Variants in MAP2K1 observed in about 807,000 individuals in gnomAD.
MAP2K1 encodes dual specificity mitogen-activated protein kinase kinase 1.
A neutral mutation model predicts 46.3 loss-of-function variants in MAP2K1; 16 were observed. That is an observed-to-expected ratio of 0.35 (90% CI 0.23 to 0.52). MAP2K1 has a LOEUF of 0.52. Among genes scored for constraint, MAP2K1 ranks in the 20% least tolerant of loss-of-function variants. MAP2K1 has a pLI of 0.94. For missense variants in MAP2K1, 263 were observed against 497.1 expected (o/e 0.53, Z 4.48); for synonymous variants, 183 against 185.6 (o/e 0.99, Z 0.11).
intron 1 of MAP2K1, 87 bp downstream of exon 1, chr15:66,387,514 G>T: frequency 3.1e-6 from 4 of 1,294,024 alleles, no homozygotes; most frequent in Non-Finnish European, 4.3e-6. Context: ...CTCCGATCTG[G>T]TTTGTCACGT....
chr15:66,463,404 C>T (rs1240326060), intron 5 of MAP2K1, among the ~76,000 whole-genome samples: 5 of 152,176 alleles, frequency 3.3e-5, no homozygotes, highest in African/African-American at 1.2e-4. Flanking sequence ...GTTTATTTTG[C>T]CTAGGTTGAG....
intron 1 of MAP2K1, among the ~76,000 whole-genome samples, chr15:66,397,260 C>T (rs1170868813): frequency 6.6e-6 from 1 of 152,118 alleles, no homozygotes; most frequent in Non-Finnish European, 1.5e-5. Context: ...GCCTCGGCCT[C>T]CCAAAGTGCT....
chr15:66,469,600 T>TTCTG (rs1049327208), intron 5 of MAP2K1, among the ~76,000 whole-genome samples: 13 of 141,364 alleles, frequency 9.2e-5, no homozygotes, highest in African/African-American at 3.4e-4. Context: ...GAAAACAGAA[T>TTCTG]TCTGTCAACT....
chr15:66,437,980 C>G (rs927094007), intron 3 of MAP2K1, among the ~76,000 whole-genome samples: 2 of 148,916 alleles, frequency 1.3e-5, no homozygotes, highest in African/African-American at 4.9e-5. Context: ...TTGGCTTCCC[C>G]TCAGGGAGCT....
At position 66,435,018 on chromosome 15, in the gene MAP2K1, T is replaced by G. The variant is rs766655826; in HGVS notation, c.81-9T>G. On this transcript the variant is annotated splice_polypyrimidine_tract_variant and intron_variant, in intron 1 of 10. Coordinates refer to ENST00000307102, the MANE Select transcript of MAP2K1 (RefSeq NM_002755.4). The stretch of plus-strand genomic sequence containing the variant: ...ACAGTATTGACTTGTGCTCCCCACT[T>G]TGGAACAGGACCAACTTGGAGGCCT... 5.0e-6 allele frequency: 8 copies of G among 1,600,904 alleles called. No individual in the cohort carries two copies. The highest frequency in any genetic ancestry group is 5.1e-6 in the Non-Finnish European group (6 of 1,168,192).
In MAP2K1 at chr15:66,392,254, G is replaced by GTTTTTTTTTTTTT. The variant is rs374203054; in HGVS notation, c.80+4827_80+4828insTTTTTTTTTTTTT. On this transcript the variant is annotated intron_variant, in intron 1 of 10. Transcript: ENST00000307102. ...CACGAATATTTGTGTGTTTTTTTTGGGTTTTTTTTTTTTTTTTTTTTTTTT... is the reference window on the plus strand; with the variant it reads ...CACGAATATTTGTGTGTTTTTTTTGGTTTTTTTTTTTTTGTTTTTTTTTTTTTTTTTTTTTTTT... Among the ~76,000 whole-genome samples, 58 of 79,642 alleles carry GTTTTTTTTTTTTT rather than the reference G, an allele frequency of 7.3e-4. 4 individuals are homozygous for GTTTTTTTTTTTTT. The highest frequency in any genetic ancestry group is 1.8e-3 in the African/African-American group (39 of 21,448). 52.2% of individuals were successfully genotyped at this position (79,642 alleles called of 152,430 possible). A position where few individuals can be genotyped will look rare whatever the true frequency, so the allele number is the denominator to read the frequency against.
At chr15:66,424,421 T>A (rs1458258384) in intron 1 of MAP2K1, among the ~76,000 whole-genome samples, 1 of 152,200 alleles carries the variant, frequency 6.6e-6, no homozygotes, top group Non-Finnish European at 1.5e-5. Context: ...TTAGGTAAAT[T>A]GTCTTTATCC....
chr15:66,474,122 G>A (rs938643535), intron 5 of MAP2K1, among the ~76,000 whole-genome samples: 1 of 152,210 alleles, frequency 6.6e-6, no homozygotes, highest in African/African-American at 2.4e-5. Context: ...GCAGAGAGGG[G>A]TGTAGGGAGG....
At chr15:66,484,148 C>CA (rs1892981736) in intron 6 of MAP2K1, among the ~76,000 whole-genome samples, 1 of 151,438 alleles carries the variant, frequency 6.6e-6, no homozygotes, top group African/African-American at 2.4e-5. Flanking sequence ...CACCCCCCCC[C>CA]ACCTTTTTTT....
chr15:66,478,315 A>G (rs956764290), intron 5 of MAP2K1, among the ~76,000 whole-genome samples: 19 of 143,920 alleles, frequency 1.3e-4, no homozygotes, highest in Admixed American at 3.0e-4. Flanking sequence ...TATATATAGT[A>G]TATATATATG....
chr15:66,425,951 C>T (rs2093457230), intron 1 of MAP2K1, among the ~76,000 whole-genome samples: 1 of 152,174 alleles, frequency 6.6e-6, no homozygotes, highest in Non-Finnish European at 1.5e-5. Flanking sequence ...ACTTTTCTCT[C>T]AGAAGTTAGA....
At chr15:66,458,460 C>G (rs1370709821) in intron 5 of MAP2K1, among the ~76,000 whole-genome samples, 1 of 152,082 alleles carries the variant, frequency 6.6e-6, no homozygotes, top group Admixed American at 6.5e-5. Flanking sequence ...CTAATGAAAC[C>G]ATGTGTAACC....
intron 1 of MAP2K1, among the ~76,000 whole-genome samples, chr15:66,410,227 A>G (rs572438067): frequency 1.3e-5 from 2 of 152,340 alleles, no homozygotes; most frequent in African/African-American, 2.4e-5. Context: ...TGAAATGAAT[A>G]AAAGTGAATA....
At chr15:66,402,116 T>C (rs960651805) in intron 1 of MAP2K1, among the ~76,000 whole-genome samples, 11 of 152,248 alleles carry the variant, frequency 7.2e-5, no homozygotes, top group African/African-American at 2.7e-4. Flanking sequence ...GTGTGTAATG[T>C]ATTAAGAAAA....
chr15:66,400,187 G>T (rs1009277132), intron 1 of MAP2K1, among the ~76,000 whole-genome samples: 10 of 151,914 alleles, frequency 6.6e-5, no homozygotes, highest in Admixed American at 5.3e-4. Flanking sequence ...TTTTCTGCTG[G>T]CTTTTCTTTT....
chr15:66,425,331 A>G (rs544759767), intron 1 of MAP2K1, among the ~76,000 whole-genome samples: 60 of 152,324 alleles, frequency 3.9e-4, no homozygotes, highest in Non-Finnish European at 7.6e-4. Flanking sequence ...CTGTGCTTCA[A>G]TACAGTTATT....
At chr15:66,488,599 A>G (rs2140681722) in intron 8 of MAP2K1, 1 of 175,412 alleles carries the variant, frequency 5.7e-6, no homozygotes, top group African/African-American at 2.4e-5. Flanking sequence ...CCATGGGAAA[A>G]TCTGAAAACA....
At position 66,387,234 on chromosome 15, in the gene MAP2K1, C is replaced by T; in HGVS notation, c.-114C>T. On this transcript the variant is annotated 5_prime_UTR_variant, in exon 1 of 11. Coordinates refer to ENST00000307102, the MANE Select transcript of MAP2K1 (RefSeq NM_002755.4). ...GGGGCGCACCCGCTGAAGGCAGCCC[C>T]GGGGCCCGCGGCCCGGACTTGGTCC... The T allele has an allele frequency of 1.2e-6, 1 of 854,934 alleles. No individual in the cohort carries two copies. The allele number at this position is 854,934 out of a possible 1,614,324, so 53.0% of individuals were successfully genotyped here. A position where few individuals can be genotyped will look rare whatever the true frequency, so the allele number is the denominator to read the frequency against.
intron 1 of MAP2K1, among the ~76,000 whole-genome samples, chr15:66,388,904 CTTTTTT>C (rs72328500): frequency 8.9e-6 from 1 of 111,952 alleles, no homozygotes; most frequent in Non-Finnish European, 1.8e-5. Context: ...AACATTTGTT[CTTTTTT>C]TTTTTTTTTT....
Sources: allele counts gnomAD v4.1 joint callset (sites outside exome capture counted in the v4.1 genomes callset), GRCh38; gene constraint gnomAD v4.1.1; transcripts MANE v1.5; gene names NCBI Gene and HGNC (gene_info 2026-07-23, HGNC 2026-07-21).